The following CDH13 variants were observed in gnomAD, a reference collection of about 807,000 sequenced individuals.
CDH13 encodes the protein cadherin 13.
A neutral mutation model predicts 63.8 loss-of-function variants in CDH13; 24 were observed. The observed-to-expected ratio is 0.38, with a 90% CI of 0.27 to 0.53. The LOEUF (loss-of-function observed/expected upper bound fraction) is 0.53, where lower values mean the gene tolerates loss of function less well. Among genes scored for constraint, CDH13 ranks in the 20% least tolerant of loss-of-function variants. CDH13 has a pLI of 0.85. For synonymous variants in CDH13, 503 were observed against 355.3 expected, an observed-to-expected ratio of 1.42 and a Z score of -4.67; for missense variants, 1,049 against 903.1, an observed-to-expected ratio of 1.16 and a Z score of -2.07.
intron 6 of CDH13, among the ~76,000 whole-genome samples, chr16:83,484,579 A>G (rs1185562535): frequency 2.6e-5 from 4 of 152,250 alleles, no homozygotes; most frequent in African/African-American, 9.6e-5. Flanking sequence ...TGCCAAAGCA[A>G]TACATTCACC....
intron 6 of CDH13, among the ~76,000 whole-genome samples, chr16:83,450,521 A>G (rs1367903050): frequency 6.6e-6 from 1 of 152,194 alleles, no homozygotes; most frequent in African/African-American, 2.4e-5. Context: ...ATACAGCTGT[A>G]TCTTACTTTA....
intron 4 of CDH13, among the ~76,000 whole-genome samples, chr16:83,168,228 G>A (rs2151723921): frequency 6.6e-6 from 1 of 151,966 alleles, no homozygotes; most frequent in East Asian, 1.9e-4. Context: ...AAATAAATGT[G>A]GTGCTTATTT....
At chr16:82,917,638 A>G (rs2042029937) in intron 2 of CDH13, among the ~76,000 whole-genome samples, 1 of 152,148 alleles carries the variant, frequency 6.6e-6, no homozygotes, top group African/African-American at 2.4e-5. Flanking sequence ...TAGGCCAGGT[A>G]CCATGGCTCA....
At chr16:83,149,866 C>G (rs1302404774) in intron 4 of CDH13, among the ~76,000 whole-genome samples, 2 of 152,164 alleles carry the variant, frequency 1.3e-5, no homozygotes, top group Non-Finnish European at 2.9e-5. Context: ...ACCACAGAAA[C>G]AAACAAATAT....
intron 8 of CDH13, among the ~76,000 whole-genome samples, chr16:83,625,457 C>G (rs1186297986): frequency 6.6e-6 from 1 of 152,202 alleles, no homozygotes; most frequent in Admixed American, 6.5e-5. Context: ...CTTCCACATG[C>G]TACTGACCAT....
At chr16:82,873,524 A>G (rs2040411424) in intron 2 of CDH13, among the ~76,000 whole-genome samples, 1 of 152,126 alleles carries the variant, frequency 6.6e-6, no homozygotes, top group Non-Finnish European at 1.5e-5. Context: ...GTGGGCTCCT[A>G]GGTTATATTG....
intron 4 of CDH13, among the ~76,000 whole-genome samples, chr16:83,178,525 C>G (rs778152269): frequency 6.6e-6 from 1 of 152,164 alleles, no homozygotes; most frequent in Non-Finnish European, 1.5e-5. Context: ...ATAACTCAGA[C>G]CTGATTATCA....
Position 82,804,333 on chromosome 16 carries a change from A to C in CDH13, c.46-54029A>C, listed in dbSNP as rs140633257. On this transcript the variant is annotated intron_variant, in intron 1 of 13. Coordinates refer to ENST00000567109, the MANE Select transcript of CDH13 (RefSeq NM_001257.5). ...CACACGCACACACATACAAATACAA[A>C]GAAATACAATGAAGCTTTTAGAGGT... Among the ~76,000 whole-genome samples, 819 of 152,116 alleles carry C rather than the reference A, an allele frequency of 5.4e-3. 11 individuals are homozygous for C. Among genetic ancestry groups the C allele is most frequent in the African/African-American group, 0.018 (734 of 41,488 alleles).
chr16:83,017,202 C>T (rs774106407), intron 2 of CDH13, among the ~76,000 whole-genome samples: 1 of 152,156 alleles, frequency 6.6e-6, no homozygotes, highest in African/African-American at 2.4e-5. Flanking sequence ...TTCCTTGACC[C>T]TCTTCAGAGC....
At chr16:82,663,589 C>A (rs953839921) in intron 1 of CDH13, among the ~76,000 whole-genome samples, 5 of 152,214 alleles carry the variant, frequency 3.3e-5, no homozygotes, top group Non-Finnish European at 7.3e-5. Context: ...TCAGATTTAT[C>A]ATTCTTTGTC....
intron 6 of CDH13, among the ~76,000 whole-genome samples, chr16:83,409,691 A>G (rs547588446): frequency 1.3e-5 from 2 of 152,288 alleles, no homozygotes; most frequent in Admixed American, 6.5e-5. Context: ...CACACATGAA[A>G]CTTCCTCCTT....
chr16:82,916,913 G>T (rs1240168699), intron 2 of CDH13, among the ~76,000 whole-genome samples: 1 of 152,106 alleles, frequency 6.6e-6, no homozygotes, highest in Non-Finnish European at 1.5e-5. Context: ...CAAAGTTCTG[G>T]TTAGTATGTA....
At chr16:83,271,121 T>G (rs2088793454) in intron 5 of CDH13, among the ~76,000 whole-genome samples, 1 of 151,996 alleles carries the variant, frequency 6.6e-6, no homozygotes, top group Non-Finnish European at 1.5e-5. Flanking sequence ...TGCCTCTTCT[T>G]GGAAAGCAGT....
In CDH13 at chr16:83,608,068, T is replaced by TA. The variant is rs879426396; in HGVS notation, c.1101+5482dup. 1.6e-4 allele frequency among the ~76,000 whole-genome samples: 24 copies of TA among 152,086 alleles called. No individual in the cohort carries two copies. The South Asian group carries it at 2.1e-3, about 13-fold the overall frequency. On this transcript the variant is annotated intron_variant, in intron 8 of 13. Transcript: ENST00000567109. ...TGTGTTTGCAAGTGATTATAAAATT[T>TA]AAAAAAAACAGAAAATTTCAAATTT...
chr16:82,870,433 A>T (rs952908588), intron 2 of CDH13, among the ~76,000 whole-genome samples: 1 of 152,114 alleles, frequency 6.6e-6, no homozygotes. Flanking sequence ...TAAAAATAGA[A>T]CTACTATATG....
chr16:83,277,907 C>G (rs1320210820), intron 5 of CDH13, among the ~76,000 whole-genome samples: 1 of 152,048 alleles, frequency 6.6e-6, no homozygotes, highest in Non-Finnish European at 1.5e-5. Flanking sequence ...TATTGGGCAA[C>G]AAACTAAATA....
intron 5 of CDH13, among the ~76,000 whole-genome samples, chr16:83,237,480 C>A (rs1038876889): frequency 1.2e-4 from 19 of 152,220 alleles, no homozygotes; most frequent in African/African-American, 4.6e-4. Flanking sequence ...AATAAGGAAG[C>A]CAAATAGATA....
chr16:82,945,311 A>C (rs1904582312), intron 2 of CDH13, among the ~76,000 whole-genome samples: 1 of 152,220 alleles, frequency 6.6e-6, no homozygotes, highest in South Asian at 2.1e-4. Context: ...ATAAAACTTA[A>C]TACAAAAAAA....
chr16:83,518,755 G>A (rs999120668), intron 7 of CDH13, among the ~76,000 whole-genome samples: 3 of 152,082 alleles, frequency 2.0e-5, no homozygotes, highest in Admixed American at 6.5e-5. Context: ...ACAGGTTTGA[G>A]CCACCGAGCC....
Sources: allele counts gnomAD v4.1 joint callset (sites outside exome capture counted in the v4.1 genomes callset), GRCh38; gene constraint gnomAD v4.1.1; transcripts MANE v1.5; gene names NCBI Gene and HGNC (gene_info 2026-07-23, HGNC 2026-07-21).